The following RTN1 variants were observed in gnomAD, a reference collection of about 807,000 sequenced individuals.
The protein encoded by RTN1 is reticulon 1, also known as reticulon-1.
Under a neutral mutation model 65.5 loss-of-function variants are expected in RTN1, and 25 were observed. The observed-to-expected ratio is 0.38, with a 90% CI of 0.28 to 0.53. The LOEUF is 0.53. Among genes scored for constraint, RTN1 ranks in the 20% least tolerant of loss-of-function variants. RTN1 has a pLI of 0.79. For synonymous variants in RTN1, 471 were observed against 447.6 expected (o/e 1.05, Z -0.66); for missense variants, 983 against 1,025.4 (o/e 0.96, Z 0.57).
chr14:59,796,342 A>C (rs1223224679), intron 1 of RTN1, among the ~76,000 whole-genome samples: 1 of 152,184 alleles, frequency 6.6e-6, no homozygotes, highest in Non-Finnish European at 1.5e-5. Context: ...CTAATGACCT[A>C]ATCTCAGAAC....
chr14:59,815,184 G>A (rs1162016030), intron 1 of RTN1, among the ~76,000 whole-genome samples: 1 of 152,184 alleles, frequency 6.6e-6, no homozygotes, highest in Non-Finnish European at 1.5e-5. Flanking sequence ...CATAGGCACT[G>A]ATGACCATCC....
chr14:59,824,473 A>G lies in RTN1; in HGVS notation c.241+45917T>C, dbSNP rs140782780. ...TGGAGAGTTCACTCTTTGATTCACA[A>G]TCATTTCCTAAAATTGCCCAAAAAG... is the stretch of plus-strand genomic sequence containing the variant. On this transcript the variant is annotated intron_variant, in intron 1 of 8. Transcript: ENST00000267484. 4.5e-3 allele frequency among the ~76,000 whole-genome samples: 687 copies of G among 152,330 alleles called. 11 individuals carry two copies. Among genetic ancestry groups the G allele is most frequent in the African/African-American group, 0.016 (648 of 41,572 alleles).
intron 1 of RTN1, among the ~76,000 whole-genome samples, chr14:59,796,674 A>G (rs1015598598): frequency 2.0e-5 from 3 of 152,174 alleles, no homozygotes; most frequent in African/African-American, 7.2e-5. Context: ...TCCTGGTCTA[A>G]TGAACTCATT....
intron 1 of RTN1, among the ~76,000 whole-genome samples, chr14:59,746,983 T>C (rs1885242080): frequency 6.6e-6 from 1 of 152,172 alleles, no homozygotes; most frequent in African/African-American, 2.4e-5. Context: ...TGTCCAGTCC[T>C]TTCATTCATG....
At chr14:59,645,460 A>G (rs1882873909) in intron 3 of RTN1, among the ~76,000 whole-genome samples, 1 of 149,314 alleles carries the variant, frequency 6.7e-6, no homozygotes, top group Non-Finnish European at 1.5e-5. Flanking sequence ...TGTTTGTTAC[A>G]TGAGTCCCTG....
At chr14:59,633,267 G>C (rs753140195) in intron 3 of RTN1, among the ~76,000 whole-genome samples, 1 of 152,218 alleles carries the variant, frequency 6.6e-6, no homozygotes, top group Non-Finnish European at 1.5e-5. Context: ...TCACACTAGT[G>C]AAGTAAAAAT....
intron 1 of RTN1, among the ~76,000 whole-genome samples, chr14:59,859,587 C>A (rs955908023): frequency 5.3e-5 from 8 of 152,150 alleles, no homozygotes; most frequent in African/African-American, 1.9e-4. Context: ...TGAAAAGACA[C>A]AACTTTGGAA....
chr14:59,745,924 G>T lies in RTN1; in HGVS notation c.799C>A (p.Leu267Ile). The T allele has an allele frequency of 6.2e-7, 1 of 1,614,068 alleles. No individual in the cohort carries two copies. The highest frequency in any genetic ancestry group is 1.6e-4 in the Middle Eastern group (1 of 6,062). ...ESTFAPYIDD[L>I]SEEQRRAPQI... Reference sequence around the variant, plus strand: ...GGAGCCCTGCGCTGTTCTTCAGAGAGATCATCTATGTATGGAGCAAATGTG... The same window carrying T: ...GGAGCCCTGCGCTGTTCTTCAGAGATATCATCTATGTATGGAGCAAATGTG... The change falls in exon 2 of 9, where the codon CTC (leucine) becomes ATC (isoleucine). Residue 267 changes from leucine to isoleucine, a missense_variant. Around this residue, in one of 2 missense-constraint regions of RTN1, gnomAD observed 818 missense variants for 801.8 expected, o/e 1.02. Coordinates refer to ENST00000267484, the MANE Select transcript of RTN1 (RefSeq NM_021136.3).
rs1406926004 is a variant in RTN1 at position 59,836,700 on chromosome 14, G to A, written c.241+33690C>T. 2.6e-5 allele frequency among the ~76,000 whole-genome samples: 4 copies of A among 152,114 alleles called. No individual in the cohort carries two copies. Among genetic ancestry groups the A allele is most frequent in the Non-Finnish European group, 5.9e-5 (4 of 68,012 alleles). On this transcript the variant is annotated intron_variant, in intron 1 of 8. Transcript: ENST00000267484. The surrounding 1 kb of genome is among the most constrained non-coding windows in gnomAD (Gnocchi z 4.9). ...TTGGGGAGTAGTGAGAGAGAAGGCG[G>A]GAAACAGGGTCCTGAAGCCAGACTT...
At position 59,764,884 on chromosome 14, in the gene RTN1, A is replaced by G. The variant is rs182866974; in HGVS notation, c.242-18403T>C. On this transcript the variant is annotated intron_variant, in intron 1 of 8. Transcript: ENST00000267484. The stretch of plus-strand genomic sequence containing the variant: ...CTACCTTATATTTTTAACAGTCAGT[A>G]TTCCATGAAACGAATGTTCTACAAT... Among the ~76,000 whole-genome samples the G allele has an allele frequency of 2.9e-3, 442 of 152,312 alleles. 6 individuals are homozygous for G. Among genetic ancestry groups the G allele is most frequent in the South Asian group, 0.017 (80 of 4,826 alleles).
chr14:59,752,494 G>A (rs912695124), intron 1 of RTN1, among the ~76,000 whole-genome samples: 14 of 152,006 alleles, frequency 9.2e-5, no homozygotes, highest in South Asian at 2.1e-4. Flanking sequence ...ATTTTGGGGC[G>A]GGGGTGGTGC....
rs1886407005 is a variant in RTN1 at position 59,794,572 on chromosome 14, G to T, written c.242-48091C>A. ...ATATTAGAATACAGTTTTAATTACT[G>T]TAACAAAGATCCATGTCTGCTCCAT... is the stretch of plus-strand genomic sequence containing the variant. On this transcript the variant is annotated intron_variant, in intron 1 of 8. Transcript: ENST00000267484. The surrounding 1 kb of genome is among the most constrained non-coding windows in gnomAD (Gnocchi z 5.1). 6.6e-6 allele frequency among the ~76,000 whole-genome samples: 1 copy of T among 152,170 alleles called. No homozygotes were observed. Among genetic ancestry groups the T allele is most frequent in the African/African-American group, 2.4e-5 (1 of 41,458 alleles).
At chr14:59,705,465 T>C (rs1174291482) in intron 3 of RTN1, among the ~76,000 whole-genome samples, 1 of 152,208 alleles carries the variant, frequency 6.6e-6, no homozygotes, top group Non-Finnish European at 1.5e-5. Context: ...ACTCAAGCTA[T>C]TAAAGCAATG....
At chr14:59,788,097 T>C (rs1886285293) in intron 1 of RTN1, among the ~76,000 whole-genome samples, 1 of 152,206 alleles carries the variant, frequency 6.6e-6, no homozygotes, top group Non-Finnish European at 1.5e-5. Context: ...TGTATGAATG[T>C]ACTTTGATTT....
At chr14:59,609,707 T>G (rs868668998) in intron 3 of RTN1, among the ~76,000 whole-genome samples, 11 of 152,280 alleles carry the variant, frequency 7.2e-5, no homozygotes, top group African/African-American at 2.6e-4. Context: ...ATTTACTCTC[T>G]TTGTGCAGGG....
intron 3 of RTN1, among the ~76,000 whole-genome samples, chr14:59,640,081 T>A (rs904605776): frequency 1.3e-5 from 2 of 152,194 alleles, no homozygotes; most frequent in Admixed American, 1.3e-4. Context: ...AAAATGTTAC[T>A]CCCTCCTGTA....
intron 2 of RTN1, among the ~76,000 whole-genome samples, chr14:59,739,245 G>C (rs763845235): frequency 1.2e-4 from 18 of 152,204 alleles, no homozygotes; most frequent in Non-Finnish European, 2.5e-4. Context: ...GGAAGGCCAG[G>C]TGCAGTGGCT....
In RTN1 at chr14:59,851,640, A is replaced by G. The variant is rs572888479; in HGVS notation, c.241+18750T>C. Among the ~76,000 whole-genome samples the G allele has an allele frequency of 3.7e-4, 56 of 152,246 alleles. 1 individual carries two copies. The East Asian group carries it at 9.7e-3, about 26-fold the overall frequency. On this transcript the variant is annotated intron_variant, in intron 1 of 8. Transcript: ENST00000267484. ...TTTGGGAGGCCAAGGCGGACAGATCACAAGGTCAAAAGATCGAGACCATCC... is the reference window on the plus strand; with the variant it reads ...TTTGGGAGGCCAAGGCGGACAGATCGCAAGGTCAAAAGATCGAGACCATCC...
chr14:59,826,569 T>C (rs1238586075), intron 1 of RTN1, among the ~76,000 whole-genome samples: 1 of 152,266 alleles, frequency 6.6e-6, no homozygotes, highest in African/African-American at 2.4e-5. Flanking sequence ...TAATGGCTCC[T>C]GTGAACAAGC....
Sources: allele counts gnomAD v4.1 joint callset (sites outside exome capture counted in the v4.1 genomes callset), GRCh38; gene constraint gnomAD v4.1.1; regional missense constraint gnomAD v4.1.1; non-coding constraint Gnocchi (gnomAD v3.1); transcripts MANE v1.5; gene names NCBI Gene and HGNC (gene_info 2026-07-23, HGNC 2026-07-21).